Variants in EIPR1 observed in about 807,000 individuals in gnomAD.
EIPR1 encodes EARP complex and GARP complex interacting protein 1.
A neutral mutation model predicts 48.1 loss-of-function variants in EIPR1; 25 were observed. The ratio of observed to expected loss-of-function variants is 0.52; its 90% CI spans 0.38 to 0.73. The LOEUF (loss-of-function observed/expected upper bound fraction) is 0.73, where lower values mean the gene tolerates loss of function less well. Among genes scored for constraint, EIPR1 ranks in the 30% least tolerant of loss-of-function variants. The pLI, the probability that EIPR1 is intolerant of heterozygous loss-of-function variation, is 0.00. For missense variants in EIPR1, 415 were observed against 506.2 expected (o/e 0.82, Z 1.73); for synonymous variants, 204 against 201.9 (o/e 1.01, Z -0.09).
At chr2:3,349,546 G>A (rs1670505121) in intron 2 of EIPR1, among the ~76,000 whole-genome samples, 1 of 152,244 alleles carries the variant, frequency 6.6e-6, no homozygotes, top group Admixed American at 6.5e-5. Context: ...GGGAGACCAG[G>A]ACAGGGAGGA....
intron 5 of EIPR1, among the ~76,000 whole-genome samples, chr2:3,206,339 G>A (rs1011664658): frequency 6.6e-6 from 1 of 152,210 alleles, no homozygotes; most frequent in African/African-American, 2.4e-5. Flanking sequence ...TGCACACCCA[G>A]CTTGAATGGG....
At chr2:3,197,962 G>A (rs930503712) in intron 5 of EIPR1, among the ~76,000 whole-genome samples, 4 of 152,198 alleles carry the variant, frequency 2.6e-5, no homozygotes, top group Non-Finnish European at 5.9e-5. Flanking sequence ...CCCAATGACC[G>A]AGCTGGTGCT....
chr2:3,192,058 T>C (rs1275337183), intron 8 of EIPR1, among the ~76,000 whole-genome samples: 1 of 152,204 alleles, frequency 6.6e-6, no homozygotes, highest in Non-Finnish European at 1.5e-5. Flanking sequence ...CTGTGATGCG[T>C]CTCTTACAGG....
chr2:3,198,045 G>A lies in EIPR1; in HGVS notation c.517-1028C>T, dbSNP rs202017040. Reference sequence around the variant, plus strand: ...CAGGGCAGGTTGGGTACCCAGGCTCGGGGTGAACAAGTCCCAGAGGTCCCC... The same window carrying A: ...CAGGGCAGGTTGGGTACCCAGGCTCAGGGTGAACAAGTCCCAGAGGTCCCC... On this transcript the variant is annotated intron_variant, in intron 5 of 8. Transcript: ENST00000382125. Among the ~76,000 whole-genome samples the A allele has an allele frequency of 3.0e-4, 46 of 152,310 alleles. No homozygotes were observed. In the East Asian group the frequency reaches 4.8e-3, roughly 16 times the overall value.
chr2:3,234,443 G>A lies in EIPR1; in HGVS notation c.417-20195C>T, dbSNP rs144990410. 6.0e-3 allele frequency among the ~76,000 whole-genome samples: 912 copies of A among 152,232 alleles called. 16 individuals carry two copies. Among genetic ancestry groups the A allele is most frequent in the African/African-American group, 0.021 (875 of 41,542 alleles). ...CTCCGTGTCGGCTGGGGACACCCAC[G>A]TGGGAGGACATCGCATCGAGGCTCC... On this transcript the variant is annotated intron_variant, in intron 4 of 8. Coordinates refer to ENST00000382125, the MANE Select transcript of EIPR1 (RefSeq NM_003310.5).
At chr2:3,220,137 T>C (rs1050383149) in intron 4 of EIPR1, among the ~76,000 whole-genome samples, 11 of 152,200 alleles carry the variant, frequency 7.2e-5, no homozygotes, top group Non-Finnish European at 1.5e-4. Flanking sequence ...CCCTGGTCCA[T>C]GGAAAAATTG....
chr2:3,240,685 C>CTT (rs879896052), intron 4 of EIPR1, among the ~76,000 whole-genome samples: 497 of 24,554 alleles, frequency 0.02, 3 homozygotes, highest in Admixed American at 0.035. Flanking sequence ...GTGAGCAGGT[C>CTT]CCTCCTAAAG....
intron 5 of EIPR1, among the ~76,000 whole-genome samples, chr2:3,212,899 G>A (rs922805914): frequency 1.3e-5 from 2 of 152,110 alleles, no homozygotes; most frequent in East Asian, 3.8e-4. Context: ...ACTTAATTCC[G>A]CGGTGAAGGC....
intron 3 of EIPR1, among the ~76,000 whole-genome samples, chr2:3,277,253 T>A (rs1667879914): frequency 6.6e-6 from 1 of 151,912 alleles, no homozygotes; most frequent in Admixed American, 6.6e-5. Context: ...CCCACACCTG[T>A]CTCCACCCAC....
At chr2:3,330,752 C>T (rs958295091) in intron 3 of EIPR1, among the ~76,000 whole-genome samples, 11 of 140,352 alleles carry the variant, frequency 7.8e-5, no homozygotes, top group South Asian at 2.3e-4. Context: ...CGTGTACACT[C>T]GTGAGATGGT....
intron 4 of EIPR1, among the ~76,000 whole-genome samples, chr2:3,247,044 GGAGGGAGAGAGGGAGGGAGA>G (rs1666850630): frequency 2.3e-4 from 2 of 8,636 alleles, no homozygotes; most frequent in Non-Finnish European, 5.1e-4. Flanking sequence ...AGGGAGAGAG[GGAGGGAGAGAGGGAGGGAGA>G]GAGGGAGGGA....
At position 3,367,659 on chromosome 2, in the gene EIPR1, T is replaced by C. The variant is rs115026042; in HGVS notation, c.42+9989A>G. ...TAAGGATGCAAACGCTGGGCCAATA[T>C]TTAAAAAGCTATTAATGTAACTGAC... On this transcript the variant is annotated intron_variant, in intron 1 of 8. Transcript: ENST00000382125. Among the ~76,000 whole-genome samples the C allele has an allele frequency of 3.7e-3, 569 of 152,308 alleles. 3 individuals carry two copies. Among genetic ancestry groups the C allele is most frequent in the African/African-American group, 0.013 (541 of 41,568 alleles).
chr2:3,258,481 T>C (rs1667231619), intron 3 of EIPR1, among the ~76,000 whole-genome samples: 1 of 146,302 alleles, frequency 6.8e-6, no homozygotes, highest in East Asian at 2.0e-4. Context: ...AACATAAAAA[T>C]ATTATATATT....
chr2:3,313,944 C>T (rs1669205620), intron 3 of EIPR1, among the ~76,000 whole-genome samples: 1 of 152,176 alleles, frequency 6.6e-6, no homozygotes, highest in African/African-American at 2.4e-5. Flanking sequence ...GCAGCCGGGG[C>T]TGTCCCCGAG....
At chr2:3,212,224 T>C (rs1319449884) in intron 5 of EIPR1, among the ~76,000 whole-genome samples, 1 of 152,186 alleles carries the variant, frequency 6.6e-6, no homozygotes, top group East Asian at 1.9e-4. Flanking sequence ...AGTTACAGAT[T>C]AATCACCCTA....
chr2:3,214,858 C>T (rs1220457985), intron 4 of EIPR1, among the ~76,000 whole-genome samples: 1 of 152,058 alleles, frequency 6.6e-6, no homozygotes, highest in African/African-American at 2.4e-5. Context: ...TGAAATGGAG[C>T]CTTTGGGAGG....
At chr2:3,317,703 C>T (rs773344378) in intron 3 of EIPR1, among the ~76,000 whole-genome samples, 8 of 152,208 alleles carry the variant, frequency 5.3e-5, no homozygotes, top group Non-Finnish European at 1.0e-4. Flanking sequence ...GGAGACAGAG[C>T]CTCTAAGGAG....
intron 3 of EIPR1, chr2:3,274,440 G>C: frequency 1.3e-6 from 2 of 1,549,268 alleles, no homozygotes; most frequent in Non-Finnish European, 1.7e-6. Flanking sequence ...AGTCAGGGCA[G>C]AACTGTTCAG....
chr2:3,206,654 T>C (rs937425151), intron 5 of EIPR1, among the ~76,000 whole-genome samples: 3 of 152,256 alleles, frequency 2.0e-5, no homozygotes, highest in African/African-American at 7.2e-5. Context: ...AAGCTCTGTT[T>C]CTGGAGAAAA....
Sources: allele counts gnomAD v4.1 joint callset (sites outside exome capture counted in the v4.1 genomes callset), GRCh38; gene constraint gnomAD v4.1.1; transcripts MANE v1.5; gene names NCBI Gene and HGNC (gene_info 2026-07-23, HGNC 2026-07-21).